PDS5A: variants seen among roughly 807,000 people sequenced by gnomAD.
PDS5A encodes PDS5 cohesin associated factor A, also known as sister chromatid cohesion protein PDS5 homolog A.
Under a neutral mutation model 167.1 loss-of-function variants are expected in PDS5A, and 42 were observed. The observed-to-expected ratio is 0.25, with a 90% CI of 0.20 to 0.33. The LOEUF (loss-of-function observed/expected upper bound fraction) is 0.33. Ranked by LOEUF, PDS5A falls within the 10% of genes least tolerant of loss-of-function variation. The pLI is 1.00. For synonymous variants in PDS5A, 553 were observed against 554.6 expected, an observed-to-expected ratio of 1.00 and a Z score of 0.04; for missense variants, 1,033 against 1,605.9, an observed-to-expected ratio of 0.64 and a Z score of 6.10.
At chr4:39,959,763 T>A (rs181912077) in intron 2 of PDS5A, among the ~76,000 whole-genome samples, 13 of 152,016 alleles carry the variant, frequency 8.6e-5, no homozygotes, top group Non-Finnish European at 1.5e-4. Context: ...GAGACCAGCC[T>A]GGCCAACAAG....
At position 39,851,776 on chromosome 4, in the gene PDS5A, G is replaced by T. The variant is rs1578606093; in HGVS notation, c.3087-2124C>A. Among the ~76,000 whole-genome samples the T allele has an allele frequency of 2.0e-5, 3 of 152,264 alleles. No homozygotes were observed. In the South Asian group the frequency reaches 6.2e-4, roughly 32 times the overall value. On this transcript the variant is annotated intron_variant, in intron 26 of 32. Coordinates refer to ENST00000303538, the MANE Select transcript of PDS5A (RefSeq NM_001100399.2). Reference sequence around the variant, plus strand: ...CAACACTGAACACATCGGTTCTATAGGTTTGAGGATTCTATTTGTTTATAT... The same window carrying T: ...CAACACTGAACACATCGGTTCTATATGTTTGAGGATTCTATTTGTTTATAT...
At chr4:39,954,571 T>C (rs975316703) in intron 2 of PDS5A, among the ~76,000 whole-genome samples, 1 of 151,234 alleles carries the variant, frequency 6.6e-6, no homozygotes, top group South Asian at 2.1e-4. Context: ...TCCACCCGCC[T>C]TGGCCTCTCA....
At chr4:39,964,944 A>AAAT (rs978975872) in intron 2 of PDS5A, among the ~76,000 whole-genome samples, 2 of 152,116 alleles carry the variant, frequency 1.3e-5, no homozygotes, top group African/African-American at 4.8e-5. Context: ...CTGTCTCAAA[A>AAAT]AATAATAATA....
At chr4:39,915,329 C>T (rs1261432000) in intron 8 of PDS5A, among the ~76,000 whole-genome samples, 1 of 148,606 alleles carries the variant, frequency 6.7e-6, no homozygotes, top group African/African-American at 2.5e-5. Flanking sequence ...ACATGAGGTA[C>T]CACAACCGGC....
intron 10 of PDS5A, among the ~76,000 whole-genome samples, chr4:39,909,609 A>C (rs910892604): frequency 2.6e-5 from 4 of 152,218 alleles, no homozygotes; most frequent in Non-Finnish European, 4.4e-5. Context: ...AAAATCCAGA[A>C]TATTTTATAA....
At chr4:39,846,113 C>T in intron 28 of PDS5A, 1 of 277,992 alleles carries the variant, frequency 3.6e-6, no homozygotes, top group Non-Finnish European at 6.4e-6. Context: ...GATAAATTTC[C>T]TAAATCACAC....
At chr4:39,852,652 C>A (rs1289881810) in intron 26 of PDS5A, among the ~76,000 whole-genome samples, 6 of 152,178 alleles carry the variant, frequency 3.9e-5, no homozygotes. Flanking sequence ...CAGCTTCTAT[C>A]ATCCCCAAAG....
At chr4:39,876,206 C>A (rs1205553413) in intron 19 of PDS5A, among the ~76,000 whole-genome samples, 1 of 152,090 alleles carries the variant, frequency 6.6e-6, no homozygotes, top group African/African-American at 2.4e-5. Context: ...TGTCAGTGAT[C>A]TTTTTCTAAT....
intron 26 of PDS5A, among the ~76,000 whole-genome samples, chr4:39,853,448 T>G (rs1200117523): frequency 6.6e-6 from 1 of 152,216 alleles, no homozygotes; most frequent in South Asian, 2.1e-4. Flanking sequence ...AGCCACTTCT[T>G]CACAGCAGCT....
chr4:39,898,331 A>G, intron 16 of PDS5A, 58 bp downstream of exon 16: 1 of 1,472,476 alleles, frequency 6.8e-7, no homozygotes, highest in South Asian at 1.4e-5. Context: ...AGGCTTTAAT[A>G]AAATACATAT....
intron 32 of PDS5A, among the ~76,000 whole-genome samples, chr4:39,836,354 G>A (rs980996165): frequency 6.6e-6 from 1 of 152,198 alleles, no homozygotes; most frequent in Non-Finnish European, 1.5e-5. Flanking sequence ...GATGCCATGA[G>A]AGGATGTGAA....
rs188272145 is a variant in PDS5A at position 39,835,590 on chromosome 4, T to G, written c.4010+2266A>C. On this transcript the variant is annotated intron_variant, in intron 32 of 32. Transcript: ENST00000303538. ...CAGGCTGGAGTGTAGTGGCCGGATC[T>G]CGGCTCACTGCAACCCCCGCCTCCC... Among the ~76,000 whole-genome samples, 101 of 152,288 alleles carry G rather than the reference T, an allele frequency of 6.6e-4. 1 individual carries two copies. The East Asian group carries it at 0.018, about 27-fold the overall frequency.
At chr4:39,943,702 G>C (rs1025589064) in intron 2 of PDS5A, among the ~76,000 whole-genome samples, 4 of 151,948 alleles carry the variant, frequency 2.6e-5, no homozygotes, top group Admixed American at 2.6e-4. Flanking sequence ...AGCAACTCGG[G>C]GGGCTGAGGC....
chr4:39,905,255 G>C (rs1578709983), intron 11 of PDS5A, among the ~76,000 whole-genome samples: 1 of 151,934 alleles, frequency 6.6e-6, no homozygotes, highest in South Asian at 2.1e-4. Context: ...TGTGCAGTGA[G>C]TCAGTTAAAA....
At chr4:39,877,600 TTGAC>T (rs1050132653) in intron 18 of PDS5A, among the ~76,000 whole-genome samples, 2 of 152,296 alleles carry the variant, frequency 1.3e-5, no homozygotes, top group Admixed American at 6.5e-5. Context: ...AGAGCTTTCT[TTGAC>T]TGGCAAAAAG....
At chr4:39,942,720 C>G (rs1022520645) in intron 2 of PDS5A, among the ~76,000 whole-genome samples, 1 of 152,158 alleles carries the variant, frequency 6.6e-6, no homozygotes, top group African/African-American at 2.4e-5. Flanking sequence ...GTTACTACAC[C>G]GTCAACTTCC....
intron 2 of PDS5A, among the ~76,000 whole-genome samples, chr4:39,975,436 G>C (rs928020816): frequency 6.6e-6 from 1 of 152,154 alleles, no homozygotes; most frequent in African/African-American, 2.4e-5. Context: ...AATACATTTG[G>C]CCAAGTGGCC....
intron 2 of PDS5A, among the ~76,000 whole-genome samples, chr4:39,938,420 T>G (rs558589814): frequency 1.4e-4 from 22 of 152,010 alleles, no homozygotes; most frequent in Non-Finnish European, 2.6e-4. Context: ...CCAGGCGTGG[T>G]GGCAGGTGCC....
intron 11 of PDS5A, among the ~76,000 whole-genome samples, chr4:39,907,960 C>T (rs1298337581): frequency 1.3e-5 from 2 of 152,152 alleles, no homozygotes; most frequent in Non-Finnish European, 2.9e-5. Context: ...CATTATTGTC[C>T]TTAGCTTGGC....
Sources: gnomAD v4.1 joint callset for allele counts (sites outside exome capture counted in the v4.1 genomes callset) on GRCh38, gnomAD v4.1.1 for gene constraint, MANE v1.5 for transcripts, NCBI Gene and HGNC (gene_info 2026-07-23, HGNC 2026-07-21) for gene names.